Variants in EPB41L4A observed in about 807,000 individuals in gnomAD.
EPB41L4A encodes the protein band 4.1-like protein 4A.
EPB41L4A carries 100 observed loss-of-function variants against 108.6 expected under a neutral mutation model. The observed-to-expected ratio is 0.92, with a 90% CI of 0.78 to 1.09. The LOEUF (loss-of-function observed/expected upper bound fraction) is 1.09. Among genes scored for constraint, EPB41L4A ranks in the 50% least tolerant of loss-of-function variants. The probability of loss-of-function intolerance (pLI) is 0.00; values close to 1 mark genes in which losing one functional copy is unlikely to be tolerated. For synonymous variants in EPB41L4A, 319 were observed against 289.0 expected (o/e 1.10, Z -1.05); for missense variants, 1,030 against 842.7 (o/e 1.22, Z -2.75).
At chr5:112,316,311 A>G (rs1037369595) in intron 1 of EPB41L4A, among the ~76,000 whole-genome samples, 9 of 152,254 alleles carry the variant, frequency 5.9e-5, no homozygotes, top group Admixed American at 2.6e-4. Context: ...AAAAATTCTT[A>G]TAACGTTATG....
chr5:112,401,403 A>G (rs554434937), intron 1 of EPB41L4A, among the ~76,000 whole-genome samples: 21 of 152,246 alleles, frequency 1.4e-4, no homozygotes, highest in Non-Finnish European at 1.9e-4. Flanking sequence ...TGAAGAACTA[A>G]AAGTTCCTAC....
intron 9 of EPB41L4A, among the ~76,000 whole-genome samples, chr5:112,242,167 G>C (rs1561503401): frequency 1.3e-5 from 2 of 152,186 alleles, no homozygotes; most frequent in South Asian, 4.1e-4. Flanking sequence ...ATTGAAGAAA[G>C]ATTTCTCTGC....
At chr5:112,362,034 C>CCTTTT (rs1433924109) in intron 1 of EPB41L4A, among the ~76,000 whole-genome samples, 2 of 152,094 alleles carry the variant, frequency 1.3e-5, no homozygotes, top group African/African-American at 4.8e-5. Context: ...CAATACCAAC[C>CCTTTT]AAAGGGCTAG....
chr5:112,211,783 G>C (rs1762757495), intron 12 of EPB41L4A, among the ~76,000 whole-genome samples: 1 of 152,182 alleles, frequency 6.6e-6, no homozygotes, highest in African/African-American at 2.4e-5. Flanking sequence ...ACTTTAGACA[G>C]AGAAAACAAA....
intron 1 of EPB41L4A, among the ~76,000 whole-genome samples, chr5:112,390,048 AG>A (rs1315639640): frequency 6.6e-6 from 1 of 152,254 alleles, no homozygotes; most frequent in Non-Finnish European, 1.5e-5. Context: ...GAAAAATGTT[AG>A]AAAACCATTT....
intron 14 of EPB41L4A, chr5:112,204,706 T>C: frequency 2.5e-6 from 1 of 407,302 alleles, no homozygotes; most frequent in African/African-American, 2.0e-5. Context: ...ATGCCATTTG[T>C]CTCACTAGCC....
chr5:112,311,200 C>A (rs1195374137), intron 1 of EPB41L4A, among the ~76,000 whole-genome samples: 2 of 152,066 alleles, frequency 1.3e-5, no homozygotes, highest in African/African-American at 4.8e-5. Flanking sequence ...AACATTCAGG[C>A]AATCTACCAC....
chr5:112,341,383 CTG>C (rs1321501983), intron 1 of EPB41L4A, among the ~76,000 whole-genome samples: 3 of 152,174 alleles, frequency 2.0e-5, no homozygotes, highest in African/African-American at 7.2e-5. Context: ...CAAAAACATA[CTG>C]TGTGTGTATG....
At chr5:112,274,408 T>A (rs1243345516) in intron 4 of EPB41L4A, among the ~76,000 whole-genome samples, 1 of 152,172 alleles carries the variant, frequency 6.6e-6, no homozygotes, top group Non-Finnish European at 1.5e-5. Context: ...GGCCTAAATA[T>A]GGCACTTCAA....
intron 7 of EPB41L4A, among the ~76,000 whole-genome samples, chr5:112,260,537 A>C (rs1256117263): frequency 6.6e-6 from 1 of 152,160 alleles, no homozygotes; most frequent in Non-Finnish European, 1.5e-5. Context: ...CTCTCTCTAG[A>C]AAGTTTAGGC....
intron 18 of EPB41L4A, chr5:112,173,767 C>G (rs567053971): frequency 6.6e-6 from 1 of 152,176 alleles, no homozygotes; most frequent in Non-Finnish European, 1.5e-5. Context: ...CCTCAGCCTC[C>G]CGAGTAGCTG....
chr5:112,336,704 G>C (rs1296488603), intron 1 of EPB41L4A, among the ~76,000 whole-genome samples: 1 of 152,184 alleles, frequency 6.6e-6, no homozygotes, highest in Non-Finnish European at 1.5e-5. Context: ...AACATCCAAA[G>C]GCTTGGTGGC....
chr5:112,204,039 C>CAA (rs934719967), intron 15 of EPB41L4A, among the ~76,000 whole-genome samples: 1 of 135,664 alleles, frequency 7.4e-6, no homozygotes. Flanking sequence ...AACTCCGTCT[C>CAA]AAAAAAAAAA....
At chr5:112,222,274 T>C (rs939194561) in intron 12 of EPB41L4A, among the ~76,000 whole-genome samples, 6 of 152,230 alleles carry the variant, frequency 3.9e-5, no homozygotes, top group African/African-American at 1.2e-4. Context: ...TCTAGACCTT[T>C]CACCTTTCTT....
In EPB41L4A at chr5:112,163,076, A is replaced by T. The variant is rs1760012933; in HGVS notation, c.*1914T>A. Reference sequence around the variant, plus strand: ...CTCCCTCTGGCTTTATTAAAGCAAGATAAATCCATGGTGGAAAATCAGATT... The same window carrying T: ...CTCCCTCTGGCTTTATTAAAGCAAGTTAAATCCATGGTGGAAAATCAGATT... On this transcript the variant is annotated 3_prime_UTR_variant, in exon 23 of 23. Coordinates refer to ENST00000261486, the MANE Select transcript of EPB41L4A (RefSeq NM_022140.5). The T allele has an allele frequency of 6.6e-6, 1 of 152,258 alleles. No homozygotes were observed. Among genetic ancestry groups the T allele is most frequent in the African/African-American group, 2.4e-5 (1 of 41,474 alleles). 9.4% of individuals were successfully genotyped at this position (152,258 alleles called of 1,614,324 possible).
At chr5:112,301,977 G>A (rs1414367691) in intron 2 of EPB41L4A, among the ~76,000 whole-genome samples, 1 of 151,768 alleles carries the variant, frequency 6.6e-6, no homozygotes, top group Non-Finnish European at 1.5e-5. Context: ...CGACATAAAA[G>A]GAATAAATAA....
At chr5:112,409,867 T>G (rs984886668) in intron 1 of EPB41L4A, among the ~76,000 whole-genome samples, 18 of 152,116 alleles carry the variant, frequency 1.2e-4, no homozygotes, top group African/African-American at 4.1e-4. Flanking sequence ...GGTAAGTGAT[T>G]TGGCCATGTT....
intron 9 of EPB41L4A, among the ~76,000 whole-genome samples, chr5:112,258,413 T>G (rs1266604315): frequency 6.6e-6 from 1 of 152,236 alleles, no homozygotes; most frequent in Non-Finnish European, 1.5e-5. Context: ...TCCACTTAGT[T>G]TTTGTTCTGC....
intron 7 of EPB41L4A, among the ~76,000 whole-genome samples, chr5:112,260,190 C>T (rs1348132411): frequency 3.3e-5 from 5 of 152,174 alleles, no homozygotes; most frequent in African/African-American, 1.2e-4. Context: ...TGGCGTTCTT[C>T]ATACTTGTTA....
Sources: allele counts gnomAD v4.1 joint callset (sites outside exome capture counted in the v4.1 genomes callset), GRCh38; gene constraint gnomAD v4.1.1; transcripts MANE v1.5; gene names NCBI Gene and HGNC (gene_info 2026-07-23, HGNC 2026-07-21).